The following ZNF385D variants were observed in gnomAD, a reference collection of about 807,000 sequenced individuals.
The protein encoded by ZNF385D is zinc finger protein 659.
Under a neutral mutation model 35.8 loss-of-function variants are expected in ZNF385D, and 15 were observed. The ratio of observed to expected loss-of-function variants is 0.42; its 90% CI spans 0.28 to 0.64. The LOEUF (loss-of-function observed/expected upper bound fraction) is 0.64, where lower values mean the gene tolerates loss of function less well. ZNF385D is among the 30% of genes least tolerant of loss of function. The pLI is 0.23. For missense variants in ZNF385D, 474 were observed against 494.6 expected, an observed-to-expected ratio of 0.96 and a Z score of 0.39; for synonymous variants, 212 against 186.8, an observed-to-expected ratio of 1.13 and a Z score of -1.10.
At chr3:22,304,636 A>G (rs1703105117) in intron 2 of ZNF385D, among the ~76,000 whole-genome samples, 1 of 152,130 alleles carries the variant, frequency 6.6e-6, no homozygotes, top group Admixed American at 6.5e-5. Flanking sequence ...CTTTTCTTGG[A>G]CAATGATTAC....
Position 21,413,677 on chromosome 3 carries a change from C to G in ZNF385D, c.*7537G>C, listed in dbSNP as rs908463332. 1 of 151,880 alleles carries G rather than the reference C, an allele frequency of 6.6e-6. No individual in the cohort carries two copies. The highest frequency in any genetic ancestry group is 6.6e-5 in the Admixed American group (1 of 15,234). The allele number at this position is 151,880 out of a possible 1,614,324, so 9.4% of individuals were successfully genotyped here. On this transcript the variant is annotated 3_prime_UTR_variant, in exon 8 of 8. Coordinates refer to ENST00000281523, the MANE Select transcript of ZNF385D (RefSeq NM_024697.3). ...GAGAAAAATAGCATGAATATTTTTC[C>G]TTTATTTTTTGCAGGGTCACAAGCA...
chr3:21,751,684 G>A (rs2070095512), upstream of ZNF385D, among the ~76,000 whole-genome samples: 1 of 152,072 alleles, frequency 6.6e-6, no homozygotes, highest in African/African-American at 2.4e-5. Flanking sequence ...CCACTGCTAG[G>A]GTAATAGAGG....
At position 21,812,704 on chromosome 3, in the gene ZNF385D, G is replaced by A. The variant is rs527863761; in HGVS notation, c.326-147676C>T. 7.9e-5 allele frequency among the ~76,000 whole-genome samples: 12 copies of A among 152,320 alleles called. No individual in the cohort carries two copies. The South Asian group carries it at 1.0e-3, about 13-fold the overall frequency. ...AGTAAACAAAGCAGCTGGGAAGCTC[G>A]AACTGCGTGGAGCCCACCACAGCTC... On this transcript the variant is annotated intron_variant, in intron 3 of 5. Transcript: ENST00000494108.
At chr3:21,769,609 A>C (rs1241959652) in intron 3 of ZNF385D, among the ~76,000 whole-genome samples, 1 of 105,600 alleles carries the variant, frequency 9.5e-6, no homozygotes, top group Non-Finnish European at 1.9e-5. Context: ...ATGGAAGAAC[A>C]TTCCATGCTC....
chr3:22,234,990 C>T (rs1280981715), intron 2 of ZNF385D, among the ~76,000 whole-genome samples: 1 of 151,884 alleles, frequency 6.6e-6, no homozygotes, highest in African/African-American at 2.4e-5. Context: ...GTTTTTATTT[C>T]ATTATATATA....
chr3:21,815,843 ATTCTG>A, intron 3 of ZNF385D, among the ~76,000 whole-genome samples: 1 of 152,188 alleles, frequency 6.6e-6, no homozygotes, highest in Non-Finnish European at 1.5e-5. Context: ...GGCCAGCATC[ATTCTG>A]ATACCAACGC....
Position 22,191,357 on chromosome 3 carries a change from C to G in ZNF385D, c.107-22322G>C, listed in dbSNP as rs142920576. 2.8e-3 allele frequency among the ~76,000 whole-genome samples: 429 copies of G among 152,048 alleles called. 2 individuals are homozygous for G. The highest frequency in any genetic ancestry group is 9.4e-3 in the African/African-American group (390 of 41,496). On this transcript the variant is annotated intron_variant, in intron 2 of 5. Transcript: ENST00000494108. ...ACAAAATTAGCCGCGCATGGTGGTG[C>G]ATGCCTGTAATGCCAGCTACTCAGG...
At chr3:22,068,794 T>C (rs989265771) in intron 3 of ZNF385D, among the ~76,000 whole-genome samples, 29 of 152,232 alleles carry the variant, frequency 1.9e-4, no homozygotes, top group Non-Finnish European at 4.1e-4. Context: ...TACATTAATA[T>C]TGGCATATGC....
chr3:21,926,384 T>A (rs551778626), intron 3 of ZNF385D, among the ~76,000 whole-genome samples: 14 of 152,280 alleles, frequency 9.2e-5, no homozygotes, highest in African/African-American at 3.4e-4. Flanking sequence ...ACATGCAGTG[T>A]TTGGTTTTCT....
intron 3 of ZNF385D, among the ~76,000 whole-genome samples, chr3:21,757,770 T>C (rs955782106): frequency 6.6e-6 from 1 of 152,204 alleles, no homozygotes; most frequent in African/African-American, 2.4e-5. Context: ...TAAAGCATCT[T>C]TCAACTCATT....
intron 1 of ZNF385D, among the ~76,000 whole-genome samples, chr3:21,746,350 T>C (rs2069770044): frequency 6.6e-6 from 1 of 152,234 alleles, no homozygotes; most frequent in South Asian, 2.1e-4. Flanking sequence ...TGATAAGGAA[T>C]CCATGTCACT....
chr3:21,885,740 CTGTG>C (rs3074769), intron 3 of ZNF385D, among the ~76,000 whole-genome samples: 1,891 of 101,220 alleles, frequency 0.019, 17 homozygotes, highest in African/African-American at 0.038. Context: ...GTGTCTGTGT[CTGTG>C]TGTGTGTGTG....
intron 2 of ZNF385D, among the ~76,000 whole-genome samples, chr3:22,282,347 A>G (rs1701794235): frequency 6.6e-6 from 1 of 151,854 alleles, no homozygotes; most frequent in Non-Finnish European, 1.5e-5. Flanking sequence ...GCTCTTTCAG[A>G]CTTTTTGATG....
At position 22,195,668 on chromosome 3, in the gene ZNF385D, T is replaced by C. The variant is rs371069838; in HGVS notation, c.107-26633A>G. On this transcript the variant is annotated intron_variant, in intron 2 of 5. Coordinates refer to the ZNF385D transcript ENST00000494108. ...TTACACTACTAACAAAGCATGACGA[T>C]GCCAGTTGTATTGATCTCTAACCAG... is the stretch of plus-strand genomic sequence containing the variant. 2.2e-4 allele frequency among the ~76,000 whole-genome samples: 34 copies of C among 152,182 alleles called. No homozygotes were observed. In the East Asian group the frequency reaches 3.5e-3, roughly 16 times the overall value.
chr3:21,700,458 A>G (rs2067640529), intron 1 of ZNF385D, among the ~76,000 whole-genome samples: 1 of 152,240 alleles, frequency 6.6e-6, no homozygotes, highest in South Asian at 2.1e-4. Flanking sequence ...TTTATACCAT[A>G]TGATTAATTT....
chr3:21,955,136 A>T (rs1323293017), intron 3 of ZNF385D, among the ~76,000 whole-genome samples: 6 of 152,176 alleles, frequency 3.9e-5, no homozygotes, highest in Admixed American at 3.9e-4. Context: ...CATCAAACAA[A>T]GGAAAAAAAC....
intron 3 of ZNF385D, among the ~76,000 whole-genome samples, chr3:22,104,003 T>C (rs980375000): frequency 6.6e-6 from 1 of 152,170 alleles, no homozygotes; most frequent in South Asian, 2.1e-4. Context: ...ATATATTACA[T>C]GTACAATATA....
chr3:21,517,334 G>A (rs747506033), intron 3 of ZNF385D, among the ~76,000 whole-genome samples: 2 of 152,028 alleles, frequency 1.3e-5, no homozygotes, highest in African/African-American at 4.8e-5. Flanking sequence ...GTGAAGGGTC[G>A]TAGAAACAGA....
chr3:21,833,247 G>T (rs569555185), intron 3 of ZNF385D, among the ~76,000 whole-genome samples: 3 of 152,246 alleles, frequency 2.0e-5, no homozygotes, highest in African/African-American at 7.2e-5. Context: ...TGGCCCCAAA[G>T]TTATGTATAC....
Sources: gnomAD v4.1 joint callset for allele counts (sites outside exome capture counted in the v4.1 genomes callset) on GRCh38, gnomAD v4.1.1 for gene constraint, MANE v1.5 for transcripts, NCBI Gene and HGNC (gene_info 2026-07-23, HGNC 2026-07-21) for gene names.